SOD2: variants seen among roughly 807,000 people sequenced by gnomAD.
SOD2 encodes the protein superoxide dismutase [Mn], mitochondrial.
A neutral mutation model predicts 27.0 loss-of-function variants in SOD2; 11 were observed. That is an observed-to-expected ratio of 0.41 (90% CI 0.26 to 0.67). SOD2 has a LOEUF of 0.67. Among genes scored for constraint, SOD2 ranks in the 30% least tolerant of loss-of-function variants. SOD2 has a pLI of 0.34. For synonymous variants in SOD2, 105 were observed against 103.0 expected, an observed-to-expected ratio of 1.02 and a Z score of -0.12; for missense variants, 250 against 274.5, an observed-to-expected ratio of 0.91 and a Z score of 0.63.
At chr6:159,696,094 C>A (rs1777417359), upstream of SOD2, among the ~76,000 whole-genome samples, 1 of 152,172 alleles carries the variant, frequency 6.6e-6, no homozygotes, top group South Asian at 2.1e-4. Context: ...ACAGATCCAA[C>A]CACAGTTTCT....
At chr6:159,712,287 T>C (rs372606467) in intron 1 of SOD2, among the ~76,000 whole-genome samples, 115 of 130,880 alleles carry the variant, frequency 8.8e-4, no homozygotes, top group African/African-American at 2.5e-3. Context: ...ATTGCTCTGA[T>C]CACCATAACC....
At position 159,680,214 on chromosome 6, in the gene SOD2, A is replaced by C. The variant is rs1187667380; in HGVS notation, c.*2279T>G. 1 of 152,244 alleles carries C rather than the reference A, an allele frequency of 6.6e-6. No individual in the cohort carries two copies. Among genetic ancestry groups the C allele is most frequent in the African/African-American group, 2.4e-5 (1 of 41,456 alleles). The allele number at this position is 152,244 out of a possible 1,614,324, so 9.4% of individuals were successfully genotyped here. A position where few individuals can be genotyped will look rare whatever the true frequency, so the allele number is the denominator to read the frequency against. ...AGTTCAATACAAACCATGATCTAGC[A>C]GACAACTTATATTCAAAAGCTCATC... On this transcript the variant is annotated 3_prime_UTR_variant, in exon 5 of 5. Coordinates refer to ENST00000538183, the MANE Select transcript of SOD2 (RefSeq NM_000636.4).
At chr6:159,754,573 C>G (rs994250846) in intron 1 of SOD2, among the ~76,000 whole-genome samples, 2 of 152,186 alleles carry the variant, frequency 1.3e-5, no homozygotes, top group African/African-American at 4.8e-5. Flanking sequence ...CCACAGTAAG[C>G]CCCTCATATA....
chr6:159,743,167 C>T (rs920088297), intron 1 of SOD2, among the ~76,000 whole-genome samples: 3 of 152,232 alleles, frequency 2.0e-5, no homozygotes, highest in Non-Finnish European at 4.4e-5. Flanking sequence ...CCTGCCTCAG[C>T]CTCCCAAGTA....
At position 159,675,476 on chromosome 6, in the gene SOD2, T is replaced by G. The variant is rs1779757900; in HGVS notation, c.*7017A>C. On this transcript the variant is annotated 3_prime_UTR_variant, in exon 5 of 5. Transcript: ENST00000538183. ...ACAACTATCTGATCTTTGAGAAACCTGACAAAAACAAGAAATGGGGAAAGG... is the reference window on the plus strand; with the variant it reads ...ACAACTATCTGATCTTTGAGAAACCGGACAAAAACAAGAAATGGGGAAAGG... 2 of 152,104 alleles carry G rather than the reference T, an allele frequency of 1.3e-5. No homozygotes were observed. Among genetic ancestry groups the G allele is most frequent in the African/African-American group, 4.8e-5 (2 of 41,412 alleles). The allele number at this position is 152,104 out of a possible 1,614,324, so 9.4% of individuals were successfully genotyped here.
intron 2 of SOD2, chr6:159,692,038 G>A (rs1395377900): frequency 6.5e-6 from 1 of 154,334 alleles, no homozygotes; most frequent in Non-Finnish European, 1.4e-5. Context: ...CTAGGCTGGA[G>A]TCCCGACCCC....
chr6:159,688,718 G>A (rs535259868), intron 2 of SOD2, among the ~76,000 whole-genome samples: 1 of 152,046 alleles, frequency 6.6e-6, no homozygotes. Context: ...TCCTCCTATT[G>A]TCCTCCACGT....
intron 1 of SOD2, among the ~76,000 whole-genome samples, chr6:159,717,650 G>A (rs1440066018): frequency 6.6e-6 from 1 of 152,044 alleles, no homozygotes; most frequent in Non-Finnish European, 1.5e-5. Context: ...TAGAACACTA[G>A]CACTTATTCC....
At chr6:159,712,514 A>T (rs1489230615) in intron 1 of SOD2, among the ~76,000 whole-genome samples, 83 of 129,184 alleles carry the variant, frequency 6.4e-4, no homozygotes, top group Non-Finnish European at 1.2e-3. Context: ...CCACCTCCAT[A>T]ACCACCACTC....
chr6:159,762,083 G>C, exon 1 of SOD2: 1 of 1,613,060 alleles, frequency 6.2e-7, no homozygotes, highest in South Asian at 1.1e-5. Flanking sequence ...GGCAGGAGAA[G>C]CAAGATGAAT....
chr6:159,721,777 G>A (rs975307438), intron 1 of SOD2, among the ~76,000 whole-genome samples: 1 of 147,104 alleles, frequency 6.8e-6, no homozygotes, highest in African/African-American at 2.5e-5. Flanking sequence ...TGCTAGCCTC[G>A]GCCTCCCAAA....
chr6:159,755,828 T>C, intron 1 of SOD2: 1 of 776,306 alleles, frequency 1.3e-6, no homozygotes, highest in Admixed American at 4.0e-5. Flanking sequence ...TTGTAACAGT[T>C]AATTACTTTG....
upstream of SOD2, chr6:159,749,080 A>G (rs879236001): frequency 3.8e-5 from 38 of 987,806 alleles, no homozygotes; most frequent in Middle Eastern, 5.1e-4. Context: ...GCCTTAATCA[A>G]TGTGGTTTTA....
chr6:159,749,118 C>T (rs1779729117), upstream of SOD2: 1 of 986,112 alleles, frequency 1.0e-6, no homozygotes, highest in African/African-American at 1.7e-5. Context: ...TGAATGGTTG[C>T]AAAAACTGTA....
chr6:159,708,170 T>C (rs367551896), intron 1 of SOD2, among the ~76,000 whole-genome samples: 4 of 152,222 alleles, frequency 2.6e-5, no homozygotes, highest in South Asian at 2.1e-4. Context: ...TCATACTGAA[T>C]GGGCAAAAAT....
intron 1 of SOD2, among the ~76,000 whole-genome samples, chr6:159,699,322 C>T (rs1326663813): frequency 1.3e-5 from 2 of 152,162 alleles, no homozygotes; most frequent in African/African-American, 4.8e-5. Context: ...TGCTTTGTAG[C>T]CTCAGTGAAG....
At chr6:159,734,302 C>G (rs1778771445) in intron 1 of SOD2, among the ~76,000 whole-genome samples, 1 of 151,260 alleles carries the variant, frequency 6.6e-6, no homozygotes, top group Admixed American at 6.6e-5. Flanking sequence ...GTGTGAGCCA[C>G]CACACCAGCC....
upstream of SOD2, among the ~76,000 whole-genome samples, chr6:159,747,986 C>T (rs914160429): frequency 2.0e-5 from 3 of 151,994 alleles, no homozygotes; most frequent in Non-Finnish European, 4.4e-5. Context: ...GTGATCAGAT[C>T]GGGGTAATTA....
chr6:159,725,244 C>A (rs755520244), intron 1 of SOD2, among the ~76,000 whole-genome samples: 6 of 152,060 alleles, frequency 3.9e-5, no homozygotes, highest in Admixed American at 2.0e-4. Context: ...TTTGGGAGGC[C>A]AACCTGCAGG....
Sources: gnomAD v4.1 joint callset for allele counts (sites outside exome capture counted in the v4.1 genomes callset) on GRCh38, gnomAD v4.1.1 for gene constraint, MANE v1.5 for transcripts, NCBI Gene and HGNC (gene_info 2026-07-23, HGNC 2026-07-21) for gene names.